JPT1: variants seen among roughly 807,000 people sequenced by gnomAD.
The protein encoded by JPT1 is Jupiter microtubule associated homolog 1.
JPT1 carries 5 observed loss-of-function variants against 17.0 expected under a neutral mutation model. The ratio of observed to expected loss-of-function variants is 0.29; its 90% CI spans 0.15 to 0.62. JPT1 has a LOEUF of 0.62. Among genes scored for constraint, JPT1 ranks in the 20% least tolerant of loss-of-function variants. The pLI is 0.85. For missense variants in JPT1, 158 were observed against 188.1 expected (o/e 0.84, Z 0.94); for synonymous variants, 71 against 73.6 (o/e 0.96, Z 0.18).
intron 4 of JPT1, chr17:75,146,460 G>T (rs1598202172): frequency 4.0e-6 from 2 of 495,916 alleles, no homozygotes; most frequent in East Asian, 7.1e-5. Context: ...GCCAATATAT[G>T]TAATTTTAAA....
At chr17:75,143,156 G>A (rs1419855536) in intron 4 of JPT1, among the ~76,000 whole-genome samples, 1 of 152,154 alleles carries the variant, frequency 6.6e-6, no homozygotes, top group Non-Finnish European at 1.5e-5. Context: ...TCTAACAGAC[G>A]GGCCTTCTGA....
At chr17:75,149,862 T>TACACACACACACACACACAC (rs58993126) in intron 1 of JPT1, among the ~76,000 whole-genome samples, 11 of 147,488 alleles carry the variant, frequency 7.5e-5, no homozygotes, top group African/African-American at 2.5e-4. Flanking sequence ...CTTACACACT[T>TACACACACACACACACACAC]ACACACACAC....
intron 4 of JPT1, among the ~76,000 whole-genome samples, chr17:75,144,821 C>A (rs552241417): frequency 2.0e-5 from 3 of 152,068 alleles, no homozygotes; most frequent in African/African-American, 4.8e-5. Context: ...TGGGGAGAAA[C>A]CCCCCATATT....
At chr17:75,137,566 C>CT (rs1478284772) in intron 4 of JPT1, among the ~76,000 whole-genome samples, 1 of 150,636 alleles carries the variant, frequency 6.6e-6, no homozygotes, top group African/African-American at 2.5e-5. Flanking sequence ...ATGGGGTCTC[C>CT]TTATGTTACC....
chr17:75,142,189 T>C (rs2145170625), intron 4 of JPT1, among the ~76,000 whole-genome samples: 1 of 152,318 alleles, frequency 6.6e-6, no homozygotes, highest in South Asian at 2.1e-4. Flanking sequence ...TTGTATTAAC[T>C]GACCAAAATA....
chr17:75,144,545 T>C (rs1243710529), intron 4 of JPT1, among the ~76,000 whole-genome samples: 4 of 152,128 alleles, frequency 2.6e-5, no homozygotes, highest in African/African-American at 4.8e-5. Context: ...CATATATTCA[T>C]AATGAACCTG....
chr17:75,154,503 A>G lies in JPT1; in HGVS notation c.-106T>C, dbSNP rs2074606675. On this transcript the variant is annotated 5_prime_UTR_variant, in exon 1 of 5. Transcript: ENST00000409753. ...CCCAACAGCCGACCACCGCTGCAGG[A>G]GCCGCCGCTGCCGCCTGTCCGGCCG... 11 of 1,039,986 alleles carry G rather than the reference A, an allele frequency of 1.1e-5. No homozygotes were observed. The highest frequency in any genetic ancestry group is 1.5e-5 in the Non-Finnish European group (11 of 724,264). 64.4% of individuals were successfully genotyped at this position (1,039,986 alleles called of 1,614,324 possible).
chr17:75,146,059 CAG>C (rs1307197886), intron 4 of JPT1, among the ~76,000 whole-genome samples: 3 of 151,884 alleles, frequency 2.0e-5, no homozygotes, highest in Non-Finnish European at 2.9e-5. Flanking sequence ...GCCTTGGCAA[CAG>C]AGAGACACCT....
At chr17:75,146,560 G>T in intron 4 of JPT1, 106 bp downstream of exon 4, 1 of 815,712 alleles carries the variant, frequency 1.2e-6, no homozygotes, top group African/African-American at 1.8e-5. Context: ...GGCATGGCCA[G>T]GTTTCACTCC....
chr17:75,146,495 T>C (rs565666746), intron 4 of JPT1, 171 bp downstream of exon 4: 1 of 539,670 alleles, frequency 1.9e-6, no homozygotes, highest in South Asian at 2.7e-5. Context: ...TTCCCTTCTA[T>C]TATGTTTCTA....
intron 4 of JPT1, among the ~76,000 whole-genome samples, chr17:75,140,133 G>GTCTTGATC (rs1388880028): frequency 6.6e-6 from 1 of 151,960 alleles, no homozygotes; most frequent in Non-Finnish European, 1.5e-5. Context: ...GGCCAGGATG[G>GTCTTGATC]TCTTGATCTC....
intron 4 of JPT1, among the ~76,000 whole-genome samples, chr17:75,139,913 T>C (rs904313831): frequency 6.6e-6 from 1 of 152,080 alleles, no homozygotes; most frequent in African/African-American, 2.4e-5. Context: ...GTACAGGAAT[T>C]GAGAGTAAGT....
In JPT1 at chr17:75,142,904, A is replaced by G. The variant is rs116611435; in HGVS notation, c.316+3762T>C. The G allele has an allele frequency of 7.3e-3, 2,561 of 352,888 alleles. 60 individuals are homozygous for G. The highest frequency in any genetic ancestry group is 0.05 in the African/African-American group (2,304 of 46,346). The allele number at this position is 352,888 out of a possible 1,614,324, so 21.9% of individuals were successfully genotyped here. ...TGAAAATACACACACACACACACAA[A>G]ATCTGTTTTTGTCCACAGCTACTGG... On this transcript the variant is annotated intron_variant, in intron 4 of 4. Transcript: ENST00000409753.
chr17:75,147,622 C>T lies in JPT1; in HGVS notation c.231G>A (p.Leu77=), dbSNP rs1386964972. ...GAKSSGGRED[L]ESSGLQRRNS... ...TCCTTCTCTGCAGTCCAGATGACTC[C>T]AAGTCTTCCCTGCCACCACTAGACT... Residue 77 remains leucine (L), a synonymous_variant, in exon 3 of 5, where the codon TTG becomes TTA. Transcript: ENST00000409753. The T allele has an allele frequency of 1.9e-6, 3 of 1,613,878 alleles. No individual in the cohort carries two copies. Among genetic ancestry groups the T allele is most frequent in the Middle Eastern group, 1.7e-4 (1 of 6,060 alleles).
intron 4 of JPT1, among the ~76,000 whole-genome samples, chr17:75,146,279 G>C (rs925728900): frequency 1.3e-5 from 2 of 151,984 alleles, no homozygotes; most frequent in Admixed American, 6.6e-5. Flanking sequence ...TGAGCCTCCC[G>C]AGTAGCTGGA....
rs948970763 is a variant in JPT1, at chr17:75,154,483, C to G, written c.-86G>C. ...GGGCGCTGGGAAACTCCACACCCAA[C>G]AGCCGACCACCGCTGCAGGAGCCGC... On this transcript the variant is annotated 5_prime_UTR_variant, in exon 1 of 5. Coordinates refer to ENST00000409753, the MANE Select transcript of JPT1 (RefSeq NM_016185.4). 10 of 1,285,824 alleles carry G rather than the reference C, an allele frequency of 7.8e-6. No individual in the cohort carries two copies. In the Admixed American group the frequency reaches 1.5e-4, roughly 19 times the overall value. The allele number at this position is 1,285,824 out of a possible 1,614,324, so 79.7% of individuals were successfully genotyped here.
At chr17:75,150,544 A>G (rs1037223303) in intron 1 of JPT1, among the ~76,000 whole-genome samples, 2 of 151,350 alleles carry the variant, frequency 1.3e-5, no homozygotes, top group African/African-American at 2.4e-5. Flanking sequence ...GAGCCACTGC[A>G]CCTGGCCTAA....
chr17:75,149,717 G>C (rs775302819), intron 1 of JPT1, among the ~76,000 whole-genome samples: 1 of 152,048 alleles, frequency 6.6e-6, no homozygotes, highest in Non-Finnish European at 1.5e-5. Context: ...TTTTCAACTA[G>C]ATAAATAACT....
chr17:75,143,385 C>CCTCGT (rs141221563), intron 4 of JPT1, among the ~76,000 whole-genome samples: 1 of 151,238 alleles, frequency 6.6e-6, no homozygotes, highest in Non-Finnish European at 1.5e-5. Context: ...CATGGTGAAA[C>CCTCGT]CTCGTCTCTA....
Sources: gnomAD v4.1 joint callset for allele counts (sites outside exome capture counted in the v4.1 genomes callset) on GRCh38, gnomAD v4.1.1 for gene constraint, MANE v1.5 for transcripts, NCBI Gene and HGNC (gene_info 2026-07-23, HGNC 2026-07-21) for gene names.